Variants in ARHGAP42 observed in about 807,000 individuals in gnomAD.
ARHGAP42 encodes the protein Rho GTPase activating protein 42.
Under a neutral mutation model 125.0 loss-of-function variants are expected in ARHGAP42, and 63 were observed. The observed-to-expected ratio is 0.50, with a 90% confidence interval of 0.41 to 0.62. The LOEUF (loss-of-function observed/expected upper bound fraction) is 0.62. ARHGAP42 is among the 20% of genes least tolerant of loss of function. The probability of loss-of-function intolerance (pLI) is 0.00; values close to 1 mark genes in which losing one functional copy is unlikely to be tolerated. For synonymous variants in ARHGAP42, 339 were observed against 351.0 expected (o/e 0.97, Z 0.38); for missense variants, 766 against 1,024.2 (o/e 0.75, Z 3.44).
chr11:100,697,252 G>A (rs1010425817), intron 1 of ARHGAP42, among the ~76,000 whole-genome samples: 19 of 151,562 alleles, frequency 1.3e-4, no homozygotes, highest in Non-Finnish European at 2.2e-4. Context: ...GCGCCATCTC[G>A]GCTCACTGCA....
intron 8 of ARHGAP42, among the ~76,000 whole-genome samples, chr11:100,940,377 T>C (rs1823325566): frequency 1.3e-5 from 2 of 152,156 alleles, no homozygotes; most frequent in Non-Finnish European, 2.9e-5. Flanking sequence ...ATGGAGATGC[T>C]ATTCATATGT....
Position 100,992,892 on chromosome 11 carries a change from C to A in ARHGAP42, c.*4091C>A. The A allele has an allele frequency of 1.7e-6, 1 of 578,980 alleles. No homozygotes were observed. Among genetic ancestry groups the A allele is most frequent in the Non-Finnish European group, 3.0e-6 (1 of 336,904 alleles). The allele number at this position is 578,980 out of a possible 1,614,324, so 35.9% of individuals were successfully genotyped here. A position where few individuals can be genotyped will look rare whatever the true frequency, so the allele number is the denominator to read the frequency against. On this transcript the variant is annotated 3_prime_UTR_variant, in exon 24 of 24. Transcript: ENST00000298815. ...CTGTGGTTTAGGGGGCCCAGCCCATCATTCCTTTTCCCCTTGGCACTCATG... is the reference window on the plus strand; with the variant it reads ...CTGTGGTTTAGGGGGCCCAGCCCATAATTCCTTTTCCCCTTGGCACTCATG...
chr11:100,841,807 AT>A (rs2135113093), intron 3 of ARHGAP42, among the ~76,000 whole-genome samples: 1 of 152,234 alleles, frequency 6.6e-6, no homozygotes, highest in East Asian at 1.9e-4. Flanking sequence ...GTTCCAAGGT[AT>A]CTCCTCACTG....
intron 11 of ARHGAP42, 45 bp from the exon 12 acceptor site, chr11:100,949,871 TG>T (rs1252240684): frequency 7.8e-6 from 10 of 1,285,162 alleles, no homozygotes; most frequent in Middle Eastern, 1.9e-4. Flanking sequence ...TCTTTTGTGC[TG>T]GGTCATTAAC....
rs890395713 is a variant in ARHGAP42, at chr11:100,837,778, A to G, written c.313-21776A>G. On this transcript the variant is annotated intron_variant, in intron 3 of 23. Coordinates refer to ENST00000298815, the MANE Select transcript of ARHGAP42 (RefSeq NM_152432.4). ...AGGTTTTTTCCATGGAAATTTTATG[A>G]TAATAGGGGCATAATGCAGCCAAGG... 4.8e-5 allele frequency among the ~76,000 whole-genome samples: 7 copies of G among 144,896 alleles called. No homozygotes were observed. The Admixed American group carries it at 5.0e-4, about 10-fold the overall frequency.
At position 100,867,147 on chromosome 11, in the gene ARHGAP42, G is replaced by A. The variant is rs2119881; in HGVS notation, c.384+7522G>A. 6.1e-3 allele frequency among the ~76,000 whole-genome samples: 933 copies of A among 152,248 alleles called. 34 individuals carry two copies. Among genetic ancestry groups the A allele is most frequent in the Admixed American group, 0.053 (816 of 15,290 alleles). On this transcript the variant is annotated intron_variant, in intron 4 of 23. Transcript: ENST00000298815. ...AGTAGATTCCACATACATCTTAAGG[G>A]GTCTAAGATTTCTGGAATGGTAAAT...
Position 100,831,234 on chromosome 11 carries a change from A to G in ARHGAP42, c.313-28320A>G, listed in dbSNP as rs7102539. 6.2e-3 allele frequency among the ~76,000 whole-genome samples: 951 copies of G among 152,236 alleles called. 9 individuals carry two copies. Among genetic ancestry groups the G allele is most frequent in the Middle Eastern group, 0.024 (7 of 294 alleles). On this transcript the variant is annotated intron_variant, in intron 3 of 23. Coordinates refer to ENST00000298815, the MANE Select transcript of ARHGAP42 (RefSeq NM_152432.4). ...TTGTGATGATTATACAGAGGAGTGG[A>G]CCTTGTAAAGGGTAGCTCAGTTTAC...
intron 1 of ARHGAP42, among the ~76,000 whole-genome samples, chr11:100,702,831 A>G (rs1189954197): frequency 2.6e-5 from 4 of 151,906 alleles, no homozygotes; most frequent in African/African-American, 9.7e-5. Flanking sequence ...GTCACCATGC[A>G]TGGCTAATTT....
intron 9 of ARHGAP42, 43 bp from the exon 10 acceptor site, chr11:100,943,716 C>T (rs1269587049): frequency 2.3e-6 from 3 of 1,309,124 alleles, no homozygotes; most frequent in Non-Finnish European, 2.1e-6. Context: ...TATTTCAATT[C>T]ACTTGTCAGC....
At chr11:100,690,635 C>T (rs1158552363) in intron 1 of ARHGAP42, among the ~76,000 whole-genome samples, 2 of 152,112 alleles carry the variant, frequency 1.3e-5, no homozygotes, top group African/African-American at 2.4e-5. Context: ...CTCGCTCTGT[C>T]GCCCAGGCTG....
chr11:100,861,336 C>T (rs185424457), intron 4 of ARHGAP42, among the ~76,000 whole-genome samples: 209 of 152,216 alleles, frequency 1.4e-3, no homozygotes, highest in South Asian at 6.6e-3. Context: ...GTAGAGGCCA[C>T]GTGTGCAGCT....
chr11:100,944,218 C>T (rs1004932324), intron 10 of ARHGAP42, among the ~76,000 whole-genome samples: 2 of 151,724 alleles, frequency 1.3e-5, no homozygotes, highest in African/African-American at 4.8e-5. Context: ...GCTTTGGAAG[C>T]TTGGTGGCCT....
At chr11:100,747,213 T>C (rs1862325064) in intron 1 of ARHGAP42, among the ~76,000 whole-genome samples, 1 of 152,212 alleles carries the variant, frequency 6.6e-6, no homozygotes. Context: ...ACATCAAGAG[T>C]GGACTTTATA....
intron 3 of ARHGAP42, among the ~76,000 whole-genome samples, chr11:100,841,050 G>C (rs528702607): frequency 1.3e-5 from 2 of 152,258 alleles, no homozygotes; most frequent in African/African-American, 4.8e-5. Context: ...AGATTCATTT[G>C]ATAGGTGTGC....
At chr11:100,709,755 A>G (rs1279377420) in intron 1 of ARHGAP42, among the ~76,000 whole-genome samples, 1 of 152,258 alleles carries the variant, frequency 6.6e-6, no homozygotes, top group Non-Finnish European at 1.5e-5. Flanking sequence ...AGCAGTTGAC[A>G]TACAAAATGT....
chr11:100,834,045 C>A (rs1414333231), intron 3 of ARHGAP42, among the ~76,000 whole-genome samples: 1 of 152,106 alleles, frequency 6.6e-6, no homozygotes, highest in African/African-American at 2.4e-5. Context: ...AGATTAGTGA[C>A]CATATTGATT....
intron 2 of ARHGAP42, among the ~76,000 whole-genome samples, chr11:100,781,050 T>C (rs1863299415): frequency 6.6e-6 from 1 of 152,138 alleles, no homozygotes; most frequent in African/African-American, 2.4e-5. Context: ...CTGGCCCTGT[T>C]TTTTTGGTGT....
chr11:100,729,247 A>G (rs1292127499), intron 1 of ARHGAP42, among the ~76,000 whole-genome samples: 3 of 152,120 alleles, frequency 2.0e-5, no homozygotes, highest in African/African-American at 7.2e-5. Context: ...TTAAAGTGGT[A>G]TGATAAACAT....
At chr11:100,942,594 G>T (rs899468775) in intron 9 of ARHGAP42, among the ~76,000 whole-genome samples, 1 of 152,090 alleles carries the variant, frequency 6.6e-6, no homozygotes, top group African/African-American at 2.4e-5. Context: ...GAGATAATTA[G>T]TCCAGCCTTA....
Sources: gnomAD v4.1 joint callset for allele counts (sites outside exome capture counted in the v4.1 genomes callset) on GRCh38, gnomAD v4.1.1 for gene constraint, MANE v1.5 for transcripts, NCBI Gene and HGNC (gene_info 2026-07-23, HGNC 2026-07-21) for gene names.